Variants in CFAP54 observed in about 807,000 individuals in gnomAD.
The protein encoded by CFAP54 is cilia- and flagella-associated protein 54.
A neutral mutation model predicts 370.4 loss-of-function variants in CFAP54; 290 were observed. The observed-to-expected ratio is 0.78, with a 90% CI of 0.71 to 0.86. The LOEUF (loss-of-function observed/expected upper bound fraction) is 0.86, where lower values mean the gene tolerates loss of function less well. Ranked by LOEUF, CFAP54 falls within the 40% of genes least tolerant of loss-of-function variation. The pLI is 0.00. For synonymous variants in CFAP54, 1,206 were observed against 1,236.5 expected (o/e 0.98, Z 0.52); for missense variants, 3,399 against 3,528.7 (o/e 0.96, Z 0.93).
At chr12:96,862,902 G>T (rs1350270753) in intron 67 of CFAP54, among the ~76,000 whole-genome samples, 1 of 152,094 alleles carries the variant, frequency 6.6e-6, no homozygotes, top group African/African-American at 2.4e-5. Flanking sequence ...AGTTATCAAG[G>T]TCAAGAAAGG....
At position 96,800,877 on chromosome 12, in the gene CFAP54, C is replaced by T. The variant is rs942681462; in HGVS notation, c.8850+8378C>T. 2.0e-5 allele frequency among the ~76,000 whole-genome samples: 3 copies of T among 152,146 alleles called. No homozygotes were observed. In the South Asian group the frequency reaches 6.2e-4, roughly 32 times the overall value. ...CACAGGATGGAAGAATATTAGTGGG[C>T]AAGGAGTCAGGACTGAAGCAATCTG... On this transcript the variant is annotated intron_variant, in intron 63 of 67. Transcript: ENST00000524981.
intron 66 of CFAP54, among the ~76,000 whole-genome samples, chr12:96,835,008 C>T (rs1959181648): frequency 6.6e-6 from 1 of 152,118 alleles, no homozygotes; most frequent in African/African-American, 2.4e-5. Context: ...GTGGGAAGCT[C>T]TTCTCTGCAG....
chr12:96,525,836 G>A (rs919363263), intron 8 of CFAP54, among the ~76,000 whole-genome samples: 21 of 152,122 alleles, frequency 1.4e-4, no homozygotes, highest in Non-Finnish European at 2.6e-4. Context: ...GACTACAGGC[G>A]CGCGCCACCA....
intron 64 of CFAP54, among the ~76,000 whole-genome samples, chr12:96,812,176 A>G (rs1259043291): frequency 6.6e-6 from 1 of 152,208 alleles, no homozygotes; most frequent in Non-Finnish European, 1.5e-5. Flanking sequence ...TACATGCTTC[A>G]TAGAGATTAC....
At chr12:96,673,872 C>T (rs559441025) in intron 39 of CFAP54, among the ~76,000 whole-genome samples, 6 of 152,230 alleles carry the variant, frequency 3.9e-5, no homozygotes, top group Admixed American at 6.5e-5. Context: ...TATTTAACAG[C>T]ATCCTATTCT....
At chr12:96,590,139 C>T (rs1956111301) in intron 23 of CFAP54, among the ~76,000 whole-genome samples, 1 of 152,170 alleles carries the variant, frequency 6.6e-6, no homozygotes. Flanking sequence ...AAAGTAATAT[C>T]AGTTATATCG....
At chr12:96,872,140 A>T (rs180847654) in intron 67 of CFAP54, among the ~76,000 whole-genome samples, 1 of 152,324 alleles carries the variant, frequency 6.6e-6, no homozygotes, top group Non-Finnish European at 1.5e-5. Context: ...TCATAGTCAC[A>T]GTTCTGAAAA....
Position 96,807,504 on chromosome 12 carries a change from A to G in CFAP54, c.8851-4232A>G, listed in dbSNP as rs189673156. On this transcript the variant is annotated intron_variant, in intron 63 of 67. Coordinates refer to ENST00000524981, the MANE Select transcript of CFAP54 (RefSeq NM_001306084.2). Reference sequence around the variant, plus strand: ...AAACATAAGATACATTTTAAATTCAATAGTCCTCAGTGTTTTTCAAAACCA... The same window carrying G: ...AAACATAAGATACATTTTAAATTCAGTAGTCCTCAGTGTTTTTCAAAACCA... 1.3e-3 allele frequency among the ~76,000 whole-genome samples: 203 copies of G among 152,322 alleles called. 1 individual carries two copies. Among genetic ancestry groups the G allele is most frequent in the Admixed American group, 4.6e-3 (71 of 15,292 alleles).
intron 67 of CFAP54, among the ~76,000 whole-genome samples, chr12:96,868,302 G>A (rs252190): frequency 0.59 from 89,991 of 151,808 alleles, 27,531 homozygotes; most frequent in African/African-American, 0.74. Context: ...TTTATTCTTA[G>A]GTTTAGATTT....
At chr12:96,842,468 T>C (rs1959228947) in intron 66 of CFAP54, among the ~76,000 whole-genome samples, 1 of 152,222 alleles carries the variant, frequency 6.6e-6, no homozygotes, top group South Asian at 2.1e-4. Context: ...CAATCTGTTC[T>C]CCATATTGGC....
At chr12:96,601,717 C>A (rs958464799) in intron 26 of CFAP54, among the ~76,000 whole-genome samples, 41 of 152,212 alleles carry the variant, frequency 2.7e-4, no homozygotes, top group African/African-American at 5.3e-4. Flanking sequence ...TTATCCATTT[C>A]TTCTAGATTT....
chr12:96,675,738 C>A lies in CFAP54; in HGVS notation c.5564-3862C>A, dbSNP rs1440658674. Among the ~76,000 whole-genome samples the A allele has an allele frequency of 3.3e-5, 5 of 152,194 alleles. No individual in the cohort carries two copies. The East Asian group carries it at 9.6e-4, about 29-fold the overall frequency. On this transcript the variant is annotated intron_variant, in intron 39 of 67. Transcript: ENST00000524981. Reference sequence around the variant, plus strand: ...ATTAAGAAAATGTGGCACATATACACCATGGAATACTATGCAGCCATAAAA... The same window carrying A: ...ATTAAGAAAATGTGGCACATATACAACATGGAATACTATGCAGCCATAAAA...
At chr12:96,679,018 CCTCA>C (rs1342470934) in intron 39 of CFAP54, among the ~76,000 whole-genome samples, 1 of 152,130 alleles carries the variant, frequency 6.6e-6, no homozygotes, top group African/African-American at 2.4e-5. Flanking sequence ...AGTCCCAGGC[CCTCA>C]CTCACTCTTC....
At chr12:96,769,693 C>A (rs906667086) in intron 60 of CFAP54, among the ~76,000 whole-genome samples, 9 of 152,150 alleles carry the variant, frequency 5.9e-5, no homozygotes, top group Non-Finnish European at 1.3e-4. Context: ...TGGCTCAGAG[C>A]CAAATGATGA....
intron 64 of CFAP54, among the ~76,000 whole-genome samples, chr12:96,814,560 T>G (rs1407787378): frequency 6.6e-6 from 1 of 152,260 alleles, no homozygotes; most frequent in Non-Finnish European, 1.5e-5. Context: ...AGTTTTACTT[T>G]AAGTTCTGGG....
intron 19 of CFAP54, among the ~76,000 whole-genome samples, chr12:96,566,135 T>G (rs1349525652): frequency 1.3e-5 from 2 of 152,242 alleles, no homozygotes; most frequent in African/African-American, 4.8e-5. Context: ...TTAAATCTCT[T>G]TTCTTTATAA....
At chr12:96,828,274 G>T (rs1187518534) in intron 65 of CFAP54, among the ~76,000 whole-genome samples, 1 of 151,236 alleles carries the variant, frequency 6.6e-6, no homozygotes, top group Non-Finnish European at 1.5e-5. Flanking sequence ...TATGAGTTGA[G>T]TATGGTCATG....
At chr12:96,792,083 C>A (rs1053091645) in intron 62 of CFAP54, among the ~76,000 whole-genome samples, 1 of 152,052 alleles carries the variant, frequency 6.6e-6, no homozygotes, top group African/African-American at 2.4e-5. Context: ...AACTCCTGAC[C>A]GTGTGATCCA....
chr12:96,548,462 A>AT (rs1955662788), intron 15 of CFAP54, among the ~76,000 whole-genome samples: 1 of 152,098 alleles, frequency 6.6e-6, no homozygotes, highest in Non-Finnish European at 1.5e-5. Flanking sequence ...TAAAAGTGTT[A>AT]TTTTATCTAT....
Sources: allele counts gnomAD v4.1 joint callset (sites outside exome capture counted in the v4.1 genomes callset), GRCh38; gene constraint gnomAD v4.1.1; transcripts MANE v1.5; gene names NCBI Gene and HGNC (gene_info 2026-07-23, HGNC 2026-07-21).